Variants in SYNPR observed in about 807,000 individuals in gnomAD.
SYNPR encodes the protein synaptoporin.
Under a neutral mutation model 32.9 loss-of-function variants are expected in SYNPR, and 23 were observed. That is an observed-to-expected ratio of 0.70 (90% confidence interval 0.50 to 0.99). The LOEUF (loss-of-function observed/expected upper bound fraction) is 0.99, where lower values mean the gene tolerates loss of function less well. SYNPR is among the 50% of genes least tolerant of loss of function. The probability of loss-of-function intolerance (pLI) is 0.00; values close to 1 mark genes in which losing one functional copy is unlikely to be tolerated. For synonymous variants in SYNPR, 146 were observed against 135.9 expected, an observed-to-expected ratio of 1.07 and a Z score of -0.52; for missense variants, 318 against 349.3, an observed-to-expected ratio of 0.91 and a Z score of 0.71.
intron 4 of SYNPR, among the ~76,000 whole-genome samples, chr3:63,583,270 T>C (rs1703123753): frequency 6.6e-6 from 1 of 152,066 alleles, no homozygotes; most frequent in Non-Finnish European, 1.5e-5. Flanking sequence ...TCACTTCTTC[T>C]GTGGTTTTTC....
chr3:63,593,856 T>C (rs185356201), intron 4 of SYNPR, among the ~76,000 whole-genome samples: 54 of 152,250 alleles, frequency 3.5e-4, no homozygotes, highest in Admixed American at 1.3e-3. Flanking sequence ...TATAGGCCAC[T>C]GGAGGGAGGA....
At chr3:63,210,799 TC>T in the SYNPR span, among the ~76,000 whole-genome samples, 2 of 12,182 alleles carry the variant, frequency 1.6e-4, no homozygotes, top group Admixed American at 1.3e-3. Context: ...TTTCCTCCCT[TC>T]CTTCCTTCCT....
intron 1 of SYNPR, among the ~76,000 whole-genome samples, chr3:63,229,318 T>A (rs1472219426): frequency 6.6e-6 from 1 of 152,032 alleles, no homozygotes; most frequent in Non-Finnish European, 1.5e-5. Context: ...ATTGTTATTA[T>A]TAATATAATT....
At chr3:63,209,254 C>G in the SYNPR span, among the ~76,000 whole-genome samples, 3 of 147,920 alleles carry the variant, frequency 2.0e-5, no homozygotes, top group Non-Finnish European at 4.4e-5. Context: ...GGGGGCGGAG[C>G]CTGCAGCGAG....
intron 2 of SYNPR, among the ~76,000 whole-genome samples, chr3:63,455,874 G>C: frequency 6.6e-6 from 1 of 151,568 alleles, no homozygotes; most frequent in East Asian, 1.9e-4. Context: ...CAATATCAAG[G>C]CCCTTCTTTT....
At chr3:63,265,241 C>CTTTTTTTTTTTTTTTTTTTTTTTTTTTTT (rs71126590) in intron 2 of SYNPR, among the ~76,000 whole-genome samples, 2 of 102,214 alleles carry the variant, frequency 2.0e-5, no homozygotes, top group African/African-American at 7.8e-5. Context: ...TAATGACATT[C>CTTTTTTTTTTTTTTTTTTTTTTTTTTTTT]TTTTTTTTTT....
chr3:63,549,918 T>C (rs1702472621), intron 3 of SYNPR: 1 of 152,154 alleles, frequency 6.6e-6, no homozygotes, highest in South Asian at 2.1e-4. Flanking sequence ...ACCTCTTGAT[T>C]GGGTCGGGCA....
intron 2 of SYNPR, among the ~76,000 whole-genome samples, chr3:63,335,678 C>G (rs1331453700): frequency 6.6e-6 from 1 of 151,548 alleles, no homozygotes; most frequent in Non-Finnish European, 1.5e-5. Flanking sequence ...TGTCTGGCCA[C>G]TGTCCTTTAC....
chr3:63,380,267 T>A (rs1379407229), intron 2 of SYNPR, among the ~76,000 whole-genome samples: 1 of 152,162 alleles, frequency 6.6e-6, no homozygotes, highest in Non-Finnish European at 1.5e-5. Context: ...CACCACACTG[T>A]CTTCCACAAT....
intron 1 of SYNPR, among the ~76,000 whole-genome samples, chr3:63,236,906 G>A (rs1265100519): frequency 6.6e-6 from 1 of 152,092 alleles, no homozygotes; most frequent in Admixed American, 6.6e-5. Flanking sequence ...TGTTGAAGAA[G>A]AGTGGTGAGA....
At position 63,570,290 on chromosome 3, in the gene SYNPR, C is replaced by T. The variant is rs188939822; in HGVS notation, c.408+13549C>T. On this transcript the variant is annotated intron_variant, in intron 4 of 5. Transcript: ENST00000478300. ...TGGACACTCCCTGTGGAATGGTCTCCGACCTCCAGTCTTCCATTCTTCCAA... is the reference window on the plus strand; with the variant it reads ...TGGACACTCCCTGTGGAATGGTCTCTGACCTCCAGTCTTCCATTCTTCCAA... Among the ~76,000 whole-genome samples, 940 of 152,204 alleles carry T rather than the reference C, an allele frequency of 6.2e-3. 1 individual carries two copies. The highest frequency in any genetic ancestry group is 7.6e-3 in the Non-Finnish European group (514 of 68,010).
At chr3:63,588,896 T>C (rs2106873192) in intron 4 of SYNPR, among the ~76,000 whole-genome samples, 1 of 152,102 alleles carries the variant, frequency 6.6e-6, no homozygotes, top group East Asian at 1.9e-4. Context: ...GGTGGGGAAG[T>C]ATAGAGAGAC....
chr3:63,241,762 TC>T (rs2106881282), intron 1 of SYNPR, among the ~76,000 whole-genome samples: 1 of 152,194 alleles, frequency 6.6e-6, no homozygotes, highest in Admixed American at 6.6e-5. Flanking sequence ...TTTTAGCTTT[TC>T]GTTAGATAAG....
intron 4 of SYNPR, among the ~76,000 whole-genome samples, chr3:63,608,895 A>G (rs1275212249): frequency 6.6e-6 from 1 of 152,194 alleles, no homozygotes; most frequent in Non-Finnish European, 1.5e-5. Flanking sequence ...CATTCCTGGG[A>G]TATAGTAAGC....
intron 2 of SYNPR, among the ~76,000 whole-genome samples, chr3:63,411,839 C>T (rs372276628): frequency 1.6e-4 from 24 of 152,028 alleles, no homozygotes; most frequent in African/African-American, 5.6e-4. Context: ...TGATCTTTTT[C>T]CTAAAATCAG....
chr3:63,493,083 C>T (rs575121013), intron 3 of SYNPR, among the ~76,000 whole-genome samples: 1 of 152,194 alleles, frequency 6.6e-6, no homozygotes, highest in South Asian at 2.1e-4. Flanking sequence ...TTAGGACATG[C>T]TTTGCGTCCC....
chr3:63,575,309 T>C (rs887792663), intron 4 of SYNPR, among the ~76,000 whole-genome samples: 2 of 152,158 alleles, frequency 1.3e-5, no homozygotes, highest in Non-Finnish European at 2.9e-5. Flanking sequence ...AATTTTCTCC[T>C]CTGCTTCTTG....
chr3:63,201,111 G>A, the SYNPR span, among the ~76,000 whole-genome samples: 1 of 152,142 alleles, frequency 6.6e-6, no homozygotes, highest in Admixed American at 6.6e-5. Flanking sequence ...CTAAAAAAGA[G>A]AAATAAGGAC....
chr3:63,392,722 C>G (rs546197901), intron 2 of SYNPR, among the ~76,000 whole-genome samples: 2 of 152,086 alleles, frequency 1.3e-5, no homozygotes, highest in Non-Finnish European at 2.9e-5. Flanking sequence ...AGCTAGGCCT[C>G]CATTTCTTAC....
Sources: gnomAD v4.1 joint callset for allele counts (sites outside exome capture counted in the v4.1 genomes callset) on GRCh38, gnomAD v4.1.1 for gene constraint, MANE v1.5 for transcripts, NCBI Gene and HGNC (gene_info 2026-07-23, HGNC 2026-07-21) for gene names.